FAM117B: variants seen among roughly 807,000 people sequenced by gnomAD.
FAM117B encodes protein FAM117B.
A neutral mutation model predicts 52.8 loss-of-function variants in FAM117B; 22 were observed. The observed-to-expected ratio is 0.42, with a 90% CI of 0.30 to 0.59. FAM117B has a LOEUF of 0.59. Ranked by LOEUF, FAM117B falls within the 20% of genes least tolerant of loss-of-function variation. FAM117B has a pLI of 0.22. For synonymous variants in FAM117B, 309 were observed against 324.1 expected, an observed-to-expected ratio of 0.95 and a Z score of 0.50; for missense variants, 678 against 802.6, an observed-to-expected ratio of 0.84 and a Z score of 1.88.
chr2:202,689,311 G>A (rs915008091), intron 1 of FAM117B, among the ~76,000 whole-genome samples: 12 of 152,108 alleles, frequency 7.9e-5, no homozygotes, highest in African/African-American at 1.9e-4. Flanking sequence ...GCGTAGTGGC[G>A]TACGCCTGGA....
intron 1 of FAM117B, among the ~76,000 whole-genome samples, chr2:202,657,285 A>G (rs1180882754): frequency 6.6e-6 from 1 of 151,982 alleles, no homozygotes; most frequent in African/African-American, 2.4e-5. Context: ...ATGGGGTTTC[A>G]CCATGTTGAC....
chr2:202,643,345 TAG>T (rs1378332271), intron 1 of FAM117B, among the ~76,000 whole-genome samples: 1 of 152,098 alleles, frequency 6.6e-6, no homozygotes, highest in Non-Finnish European at 1.5e-5. Flanking sequence ...CAGTACATGG[TAG>T]AGTCTGGAAA....
intron 7 of FAM117B, among the ~76,000 whole-genome samples, 190 bp from the exon 8 acceptor site, chr2:202,765,256 T>C (rs1691957115): frequency 6.6e-6 from 1 of 152,038 alleles, no homozygotes; most frequent in South Asian, 2.1e-4. Flanking sequence ...ATATGTTGAA[T>C]CATATGTCAG....
At chr2:202,759,744 G>A (rs1215097612) in intron 7 of FAM117B, among the ~76,000 whole-genome samples, 2 of 151,688 alleles carry the variant, frequency 1.3e-5, no homozygotes, top group African/African-American at 4.8e-5. Context: ...TTTTTAGTAG[G>A]GATGGGGTTT....
At chr2:202,686,676 A>C (rs1690541803) in intron 1 of FAM117B, among the ~76,000 whole-genome samples, 1 of 152,092 alleles carries the variant, frequency 6.6e-6, no homozygotes. Flanking sequence ...GTTTGGTGGC[A>C]TATGCCTGTA....
chr2:202,675,203 A>T (rs1024042088), intron 1 of FAM117B, among the ~76,000 whole-genome samples: 1 of 151,784 alleles, frequency 6.6e-6, no homozygotes, highest in Non-Finnish European at 1.5e-5. Context: ...TCCAGCCTGG[A>T]CAAAAGAGTA....
chr2:202,656,888 T>C (rs945328263), intron 1 of FAM117B, among the ~76,000 whole-genome samples: 14 of 152,168 alleles, frequency 9.2e-5, no homozygotes, highest in African/African-American at 3.4e-4. Flanking sequence ...AGAATTGTTA[T>C]ATATTTTTTG....
chr2:202,638,064 C>G (rs531283395), intron 1 of FAM117B, among the ~76,000 whole-genome samples: 1 of 152,100 alleles, frequency 6.6e-6, no homozygotes, highest in African/African-American at 2.4e-5. Flanking sequence ...TTAGTAGATA[C>G]AGGGTTTCTC....
chr2:202,764,518 G>A (rs891322747), intron 7 of FAM117B, among the ~76,000 whole-genome samples: 3 of 151,794 alleles, frequency 2.0e-5, no homozygotes, highest in African/African-American at 7.3e-5. Context: ...AAGCCTCCCC[G>A]CTCAGACTCC....
chr2:202,654,502 A>AT (rs1235713429), intron 1 of FAM117B, among the ~76,000 whole-genome samples: 1 of 151,920 alleles, frequency 6.6e-6, no homozygotes, highest in Non-Finnish European at 1.5e-5. Flanking sequence ...CCCATTGGAA[A>AT]TTTTTTTTAA....
At chr2:202,680,850 G>T (rs1292217738) in intron 1 of FAM117B, among the ~76,000 whole-genome samples, 1 of 152,138 alleles carries the variant, frequency 6.6e-6, no homozygotes, top group Non-Finnish European at 1.5e-5. Flanking sequence ...CAGGTGGAAG[G>T]AAAATGATCT....
chr2:202,640,106 C>T lies in FAM117B; in HGVS notation c.601+4318C>T, dbSNP rs547801958. On this transcript the variant is annotated intron_variant, in intron 1 of 7. Coordinates refer to ENST00000392238, the MANE Select transcript of FAM117B (RefSeq NM_173511.4). ...CCAACATGGCGAAACCCTGTCTCTA[C>T]TAAAAATACAAAAAATTAGACAGGT... 2.0e-5 allele frequency among the ~76,000 whole-genome samples: 3 copies of T among 151,400 alleles called. No homozygotes were observed. The East Asian group carries it at 5.8e-4, about 29-fold the overall frequency.
intron 1 of FAM117B, among the ~76,000 whole-genome samples, chr2:202,673,858 A>G (rs1690338935): frequency 6.6e-6 from 1 of 152,070 alleles, no homozygotes; most frequent in African/African-American, 2.4e-5. Context: ...ATCCAGTGTG[A>G]CTTTTGCCTG....
At chr2:202,639,132 C>G (rs950317788) in intron 1 of FAM117B, among the ~76,000 whole-genome samples, 1 of 152,190 alleles carries the variant, frequency 6.6e-6, no homozygotes, top group Admixed American at 6.5e-5. Context: ...TAAGGGTCTA[C>G]CCCATATAAT....
chr2:202,704,788 A>G lies in FAM117B; in HGVS notation c.753+8756A>G, dbSNP rs141100516. ...TATATATATAGTATTTTTAGTAGAG[A>G]TGAGGCTTCACCATATTGGCCAGGC... On this transcript the variant is annotated intron_variant, in intron 2 of 7. Transcript: ENST00000392238. 4.8e-4 allele frequency among the ~76,000 whole-genome samples: 73 copies of G among 151,994 alleles called. No individual in the cohort carries two copies. In the East Asian group the frequency reaches 0.012, roughly 26 times the overall value.
intron 1 of FAM117B, among the ~76,000 whole-genome samples, chr2:202,688,256 T>G (rs1375035991): frequency 6.6e-6 from 1 of 152,130 alleles, no homozygotes; most frequent in African/African-American, 2.4e-5. Flanking sequence ...AGATAATAAA[T>G]TCACATGGCA....
intron 1 of FAM117B, among the ~76,000 whole-genome samples, chr2:202,682,151 G>A (rs1032496042): frequency 6.6e-5 from 10 of 152,042 alleles, no homozygotes; most frequent in African/African-American, 1.9e-4. Context: ...CACTTTCATC[G>A]GCAATAAAAT....
intron 4 of FAM117B, among the ~76,000 whole-genome samples, chr2:202,750,938 T>C (rs1691712007): frequency 6.6e-6 from 1 of 152,178 alleles, no homozygotes; most frequent in Non-Finnish European, 1.5e-5. Context: ...GTGAAATATC[T>C]GGCGTATATG....
chr2:202,733,175 G>A (rs1403883319), intron 4 of FAM117B, among the ~76,000 whole-genome samples: 2 of 152,082 alleles, frequency 1.3e-5, no homozygotes, highest in African/African-American at 4.8e-5. Flanking sequence ...AAAGGGGAGG[G>A]GGTGTATGAA....
Sources: allele counts gnomAD v4.1 joint callset (sites outside exome capture counted in the v4.1 genomes callset), GRCh38; gene constraint gnomAD v4.1.1; transcripts MANE v1.5; gene names NCBI Gene and HGNC (gene_info 2026-07-23, HGNC 2026-07-21).